SLC5A1: variants seen among roughly 807,000 people sequenced by gnomAD.
The protein encoded by SLC5A1 is solute carrier family 5 member 1.
SLC5A1 carries 42 observed loss-of-function variants against 73.5 expected under a neutral mutation model. The observed-to-expected ratio is 0.57, with a 90% CI of 0.45 to 0.74. The LOEUF (loss-of-function observed/expected upper bound fraction) is 0.74. Ranked by LOEUF, SLC5A1 falls within the 30% of genes least tolerant of loss-of-function variation. SLC5A1 has a pLI of 0.00. For synonymous variants in SLC5A1, 300 were observed against 317.4 expected (o/e 0.95, Z 0.58); for missense variants, 634 against 855.4 (o/e 0.74, Z 3.23).
At chr22:32,107,655 T>C (rs2094048726) in intron 14 of SLC5A1, among the ~76,000 whole-genome samples, 1 of 152,208 alleles carries the variant, frequency 6.6e-6, no homozygotes, top group African/African-American at 2.4e-5. Context: ...TGTACATCTG[T>C]CAAGGATTCT....
At chr22:32,065,290 A>G (rs972518659) in intron 2 of SLC5A1, among the ~76,000 whole-genome samples, 1 of 152,076 alleles carries the variant, frequency 6.6e-6, no homozygotes, top group East Asian at 1.9e-4. Flanking sequence ...AATCATTATC[A>G]TATATCAACC....
rs200051594 is a variant in SLC5A1 at position 32,067,057 on chromosome 22, C to A, written c.312+18C>A. 1.4e-5 allele frequency: 22 copies of A among 1,556,992 alleles called. No homozygotes were observed. In the African/African-American group the frequency reaches 2.4e-4, roughly 17 times the overall value. On this transcript the variant is annotated intron_variant, in intron 3 of 14. Coordinates refer to ENST00000266088, the MANE Select transcript of SLC5A1 (RefSeq NM_000343.4). ...AATGGAATGTGAGTAACACTGCAGC[C>A]ATGGTGCACTGGGGCTGGAAGGAGC...
Position 32,053,017 on chromosome 22 carries a change from G to A in SLC5A1, c.207+3003G>A, listed in dbSNP as rs991525507. Among the ~76,000 whole-genome samples, 49 of 152,146 alleles carry A rather than the reference G, an allele frequency of 3.2e-4. 1 individual carries two copies. The highest frequency in any genetic ancestry group is 7.4e-5 in the Non-Finnish European group (5 of 68,026). ...TTTTTATGCATAGAGAAAAATTGTT[G>A]TTGTTTAGGCTCATGGGAGTAAAAC... On this transcript the variant is annotated intron_variant, in intron 2 of 14. Coordinates refer to ENST00000266088, the MANE Select transcript of SLC5A1 (RefSeq NM_000343.4).
intron 5 of SLC5A1, among the ~76,000 whole-genome samples, chr22:32,070,461 T>C (rs1020351390): frequency 6.6e-6 from 1 of 151,574 alleles, no homozygotes; most frequent in Non-Finnish European, 1.5e-5. Context: ...GCCTCTTGTG[T>C]AGCTGGGGCT....
Position 32,104,858 on chromosome 22 carries a change from A to G in SLC5A1, c.1738A>G (p.Ile580Val), listed in dbSNP as rs773181968. 35 of 1,614,162 alleles carry G rather than the reference A, an allele frequency of 2.2e-5. No individual in the cohort carries two copies. The East Asian group carries it at 7.6e-4, about 35-fold the overall frequency. Residue 580 changes from isoleucine (I) to valine (V), a missense_variant, in exon 14 of 15, where the codon ATC becomes GTC. Physicochemically the swap from Ile to Val is conservative, Grantham distance 29. This residue lies in a region of SLC5A1 where 161 missense variants were observed against 178.7 expected (regional missense o/e 0.90). Transcript: ENST00000266088. ...RIDLDAEEEN[I>V]QEGPKETIEI... ...TGACCTGGATGCGGAAGAGGAGAAC[A>G]TCCAAGAAGGCCCTAAGGAGACCAT...
intron 11 of SLC5A1, among the ~76,000 whole-genome samples, chr22:32,096,804 G>A (rs2094026965): frequency 6.6e-6 from 1 of 152,162 alleles, no homozygotes; most frequent in African/African-American, 2.4e-5. Flanking sequence ...TGTCAGTCAA[G>A]GGAAAGTTTC....
chr22:32,061,652 A>G (rs906011667), intron 2 of SLC5A1, among the ~76,000 whole-genome samples: 4 of 152,210 alleles, frequency 2.6e-5, no homozygotes, highest in African/African-American at 9.6e-5. Context: ...AATGTTCCAA[A>G]TAACAGAGAG....
intron 5 of SLC5A1, among the ~76,000 whole-genome samples, chr22:32,069,250 T>C (rs1034107036): frequency 2.0e-5 from 3 of 152,174 alleles, no homozygotes; most frequent in African/African-American, 7.2e-5. Context: ...AGAATGGTGG[T>C]TACCAGGGTC....
intron 11 of SLC5A1, among the ~76,000 whole-genome samples, chr22:32,095,646 C>T (rs552730863): frequency 6.6e-5 from 10 of 152,136 alleles, no homozygotes; most frequent in African/African-American, 1.4e-4. Flanking sequence ...TCTTTTGAAA[C>T]GTTAAAGAAT....
rs1217394249 is a variant in SLC5A1 at position 32,084,949 on chromosome 22, G to A, written c.935G>A (p.Gly312Asp). 1.2e-6 allele frequency: 2 copies of A among 1,614,070 alleles called. No individual in the cohort carries two copies. The highest frequency in any genetic ancestry group is 2.7e-5 in the African/African-American group (2 of 74,930). The change falls in exon 9 of 15, where the codon GGT (glycine) becomes GAT (aspartate). Residue 312 changes from glycine (G) to aspartate (D), a missense_variant. Physicochemically the swap from Gly to Asp is moderately conservative, Grantham distance 94. Around this residue, in one of 3 missense-constraint regions of SLC5A1, gnomAD observed 422 missense variants for 626.1 expected, o/e 0.67. Transcript: ENST00000266088. ...GCCAAGAATATGTCTCACGTGAAGG[G>A]TGGCTGCATCCTGTGTGGGTATCTA... is the stretch of plus-strand genomic sequence containing the variant. The part of the protein sequence containing the change: ...LSAKNMSHVK[G>D]GCILCGYLKL...
intron 8 of SLC5A1, 54 bp from the exon 9 acceptor site, chr22:32,084,846 G>A (rs2094005492): frequency 6.2e-7 from 1 of 1,611,634 alleles, no homozygotes. Flanking sequence ...GAAGTACAAA[G>A]GTGTCACAGG....
At chr22:32,106,328 A>AT (rs1386569157) in intron 14 of SLC5A1, among the ~76,000 whole-genome samples, 1 of 152,188 alleles carries the variant, frequency 6.6e-6, no homozygotes, top group Non-Finnish European at 1.5e-5. Flanking sequence ...TGTTGAGCAC[A>AT]TTTTTATGTG....
chr22:32,070,912 G>A (rs1267603040), intron 5 of SLC5A1, among the ~76,000 whole-genome samples: 2 of 152,172 alleles, frequency 1.3e-5, no homozygotes, highest in Non-Finnish European at 2.9e-5. Flanking sequence ...AAATGTAAAT[G>A]ATAAGGAATA....
intron 13 of SLC5A1, among the ~76,000 whole-genome samples, chr22:32,103,394 G>A (rs967220666): frequency 1.3e-5 from 2 of 152,210 alleles, no homozygotes; most frequent in African/African-American, 2.4e-5. Context: ...CACATGACTT[G>A]CCATTGGTTT....
intron 14 of SLC5A1, among the ~76,000 whole-genome samples, chr22:32,107,676 C>T (rs1323734535): frequency 6.6e-6 from 1 of 152,168 alleles, no homozygotes; most frequent in Non-Finnish European, 1.5e-5. Flanking sequence ...GTAGAGGGAA[C>T]TTCCGTACTG....
intron 5 of SLC5A1, among the ~76,000 whole-genome samples, chr22:32,078,158 AG>A (rs1383627546): frequency 6.6e-6 from 1 of 152,232 alleles, no homozygotes; most frequent in African/African-American, 2.4e-5. Flanking sequence ...TATAATTTTT[AG>A]AAAGCCATTT....
At chr22:32,054,359 A>G (rs1016506387) in intron 2 of SLC5A1, among the ~76,000 whole-genome samples, 1 of 152,184 alleles carries the variant, frequency 6.6e-6, no homozygotes, top group Non-Finnish European at 1.5e-5. Context: ...TGTCCCTCAC[A>G]TTCTTACAAA....
At chr22:32,059,984 G>A (rs993518964) in intron 2 of SLC5A1, among the ~76,000 whole-genome samples, 9 of 149,176 alleles carry the variant, frequency 6.0e-5, no homozygotes, top group African/African-American at 2.0e-4. Flanking sequence ...TGAAAATGCC[G>A]CCCACTGGGC....
rs2093996490 is a variant in SLC5A1 at position 32,079,650 on chromosome 22, C to T, written c.478-2216C>T. Among the ~76,000 whole-genome samples, 5 of 152,106 alleles carry T rather than the reference C, an allele frequency of 3.3e-5. No homozygotes were observed. In the South Asian group the frequency reaches 1.0e-3, roughly 32 times the overall value. Reference sequence around the variant, plus strand: ...GGCAGTGTCAGCTTTGTAATCTTTTCCTATCTTATTTACACTTATTAGCTA... The same window carrying T: ...GGCAGTGTCAGCTTTGTAATCTTTTTCTATCTTATTTACACTTATTAGCTA... On this transcript the variant is annotated intron_variant, in intron 5 of 14. Coordinates refer to ENST00000266088, the MANE Select transcript of SLC5A1 (RefSeq NM_000343.4).
Sources: gnomAD v4.1 joint callset for allele counts (sites outside exome capture counted in the v4.1 genomes callset) on GRCh38, gnomAD v4.1.1 for gene constraint, gnomAD v4.1.1 regional missense constraint, MANE v1.5 for transcripts, NCBI Gene and HGNC (gene_info 2026-07-23, HGNC 2026-07-21) for gene names.